The following RORA variants were observed in gnomAD, a reference collection of about 807,000 sequenced individuals.
The protein encoded by RORA is nuclear receptor ROR-alpha.
Under a neutral mutation model 69.5 loss-of-function variants are expected in RORA, and 7 were observed. The ratio of observed to expected loss-of-function variants is 0.10; its 90% CI spans 0.06 to 0.19. RORA has a LOEUF of 0.19. Among genes scored for constraint, RORA ranks in the 10% least tolerant of loss-of-function variants. The pLI is 1.00. For missense variants in RORA, 457 were observed against 663.0 expected (o/e 0.69, Z 3.41); for synonymous variants, 261 against 240.8 (o/e 1.08, Z -0.78).
intron 1 of RORA, among the ~76,000 whole-genome samples, chr15:60,687,293 G>C (rs899511963): frequency 3.9e-5 from 6 of 151,950 alleles, no homozygotes; most frequent in African/African-American, 1.2e-4. Flanking sequence ...GAATACCATG[G>C]GTCCATAAAG....
chr15:60,679,028 T>G (rs28609464), intron 1 of RORA, among the ~76,000 whole-genome samples: 29,103 of 152,038 alleles, frequency 0.19, 2,925 homozygotes, highest in African/African-American at 0.25. Flanking sequence ...GGGAAAGATG[T>G]AAGGCACAAG....
At chr15:60,521,372 G>C (rs1238513763) in intron 3 of RORA, among the ~76,000 whole-genome samples, 1 of 151,718 alleles carries the variant, frequency 6.6e-6, no homozygotes, top group Admixed American at 6.6e-5. Flanking sequence ...CTCCCGAGTA[G>C]CTGGGACTAC....
intron 1 of RORA, among the ~76,000 whole-genome samples, chr15:60,684,714 AG>A (rs2070713355): frequency 6.6e-6 from 1 of 152,220 alleles, no homozygotes; most frequent in Non-Finnish European, 1.5e-5. Context: ...TGTGGCAGGG[AG>A]GAAGAGATGT....
At chr15:61,169,271 G>T (rs2079564871) in intron 1 of RORA, among the ~76,000 whole-genome samples, 1 of 148,534 alleles carries the variant, frequency 6.7e-6, no homozygotes, top group African/African-American at 2.5e-5. Flanking sequence ...TACACAGCTT[G>T]GAAAAAAAAA....
At chr15:60,843,392 G>T (rs1345486904) in intron 1 of RORA, among the ~76,000 whole-genome samples, 1 of 152,188 alleles carries the variant, frequency 6.6e-6, no homozygotes, top group African/African-American at 2.4e-5. Flanking sequence ...AGCCTGGAGA[G>T]AAATAACTTG....
intron 1 of RORA, among the ~76,000 whole-genome samples, chr15:61,090,639 G>C (rs1042996513): frequency 6.6e-6 from 1 of 152,262 alleles, no homozygotes; most frequent in South Asian, 2.1e-4. Context: ...TAAATCTCTA[G>C]CCCAGGGAGA....
intron 3 of RORA, among the ~76,000 whole-genome samples, chr15:60,524,033 A>C (rs777539974): frequency 1.3e-5 from 2 of 152,170 alleles, no homozygotes; most frequent in African/African-American, 2.4e-5. Flanking sequence ...TTTCTTGCTC[A>C]GTGACAGGCA....
At chr15:60,946,630 C>T (rs1325836254) in intron 1 of RORA, among the ~76,000 whole-genome samples, 2 of 152,226 alleles carry the variant, frequency 1.3e-5, no homozygotes, top group African/African-American at 4.8e-5. Context: ...ACCTCCACCT[C>T]CCAGCCGCCT....
chr15:60,600,236 G>A (rs1343206423), intron 2 of RORA, among the ~76,000 whole-genome samples: 1 of 152,178 alleles, frequency 6.6e-6, no homozygotes, highest in Non-Finnish European at 1.5e-5. Flanking sequence ...GCAGAGTAAC[G>A]TGGGCTTCAT....
chr15:61,084,270 T>G (rs2078589165), intron 1 of RORA, among the ~76,000 whole-genome samples: 1 of 152,222 alleles, frequency 6.6e-6, no homozygotes, highest in South Asian at 2.1e-4. Flanking sequence ...CCATTAACCA[T>G]GCTTGATGAG....
chr15:61,029,479 A>G (rs1015031432), intron 1 of RORA, among the ~76,000 whole-genome samples: 2 of 152,156 alleles, frequency 1.3e-5, no homozygotes, highest in South Asian at 2.1e-4. Flanking sequence ...AAAGGACACA[A>G]TGGAATTTAC....
At chr15:60,595,075 T>A (rs1322804923) in intron 2 of RORA, among the ~76,000 whole-genome samples, 2 of 152,052 alleles carry the variant, frequency 1.3e-5, no homozygotes, top group Non-Finnish European at 2.9e-5. Context: ...TTCTATGACA[T>A]TATAAGGCCC....
chr15:60,978,906 C>G (rs1893950359), intron 1 of RORA, among the ~76,000 whole-genome samples: 1 of 149,256 alleles, frequency 6.7e-6, no homozygotes, highest in Non-Finnish European at 1.5e-5. Context: ...GTATTGGTAA[C>G]TGTGGCTTTG....
At chr15:61,078,756 G>C (rs1028606280) in intron 1 of RORA, among the ~76,000 whole-genome samples, 3 of 147,098 alleles carry the variant, frequency 2.0e-5, no homozygotes, top group Non-Finnish European at 3.0e-5. Context: ...ACAATTTGAA[G>C]GAGGGTATGG....
intron 2 of RORA, among the ~76,000 whole-genome samples, chr15:60,612,666 T>G (rs962335467): frequency 2.1e-5 from 1 of 47,796 alleles, no homozygotes; most frequent in African/African-American, 9.6e-5. Context: ...TCTCTGTTTT[T>G]TTTTTTTTTT....
At chr15:61,072,665 TTTTTA>T (rs2078384421) in intron 1 of RORA, among the ~76,000 whole-genome samples, 1 of 152,230 alleles carries the variant, frequency 6.6e-6, no homozygotes, top group African/African-American at 2.4e-5. Context: ...AGCTACACTG[TTTTTA>T]TTTTATTATA....
In RORA at chr15:60,489,724, G is replaced by C. The variant is rs2065011321; in HGVS notation, c.*7731C>G. On this transcript the variant is annotated 3_prime_UTR_variant, in exon 11 of 11. Coordinates refer to ENST00000335670, the MANE Select transcript of RORA (RefSeq NM_134261.3). ...ACGTCTCCATCCTTCTCATGACTCAGGTAGGAGGGGAAAGGTTTATTCTGC... is the reference window on the plus strand; with the variant it reads ...ACGTCTCCATCCTTCTCATGACTCACGTAGGAGGGGAAAGGTTTATTCTGC... 1 of 152,124 alleles carries C rather than the reference G, an allele frequency of 6.6e-6. No homozygotes were observed. The highest frequency in any genetic ancestry group is 2.4e-5 in the African/African-American group (1 of 41,430). 9.4% of individuals were successfully genotyped at this position (152,124 alleles called of 1,614,324 possible).
At chr15:61,197,245 C>G (rs929143321) in intron 1 of RORA, among the ~76,000 whole-genome samples, 2 of 152,170 alleles carry the variant, frequency 1.3e-5, no homozygotes, top group Non-Finnish European at 2.9e-5. Flanking sequence ...CTTAGGGGGC[C>G]TAATGTAGTT....
intron 1 of RORA, among the ~76,000 whole-genome samples, chr15:60,751,491 T>C (rs927121278): frequency 6.6e-6 from 1 of 152,220 alleles, no homozygotes; most frequent in African/African-American, 2.4e-5. Context: ...TATGCATGTT[T>C]ATTTAACCCT....
Sources: gnomAD v4.1 joint callset for allele counts (sites outside exome capture counted in the v4.1 genomes callset) on GRCh38, gnomAD v4.1.1 for gene constraint, MANE v1.5 for transcripts, NCBI Gene and HGNC (gene_info 2026-07-23, HGNC 2026-07-21) for gene names.